FYB2: variants seen among roughly 807,000 people sequenced by gnomAD.
FYB2 encodes the protein FYN binding protein 2.
FYB2 carries 103 observed loss-of-function variants against 94.1 expected under a neutral mutation model. The ratio of observed to expected loss-of-function variants is 1.09; its 90% confidence interval spans 0.93 to 1.29. FYB2 has a LOEUF of 1.29. FYB2 is among the 50% of genes most tolerant of loss of function. FYB2 has a pLI of 0.00. For synonymous variants in FYB2, 293 were observed against 287.9 expected (o/e 1.02, Z -0.18); for missense variants, 896 against 841.5 (o/e 1.06, Z -0.80).
Position 56,738,613 on chromosome 1 carries a change from A to G in FYB2, c.1732+12T>C. ...GAGTACTTTTGGTCTGCAATAAGCA[A>G]ATGGCACTTACCTAAATCAGGCAGC... On this transcript the variant is annotated intron_variant, in intron 14 of 19. Transcript: ENST00000343433. The G allele has an allele frequency of 1.2e-6, 2 of 1,609,002 alleles. No homozygotes were observed. Among genetic ancestry groups the G allele is most frequent in the Non-Finnish European group, 1.7e-6 (2 of 1,177,122 alleles).
intron 10 of FYB2, 21 bp downstream of exon 10, chr1:56,744,131 A>G (rs192928572): frequency 1.5e-4 from 239 of 1,611,862 alleles, no homozygotes; most frequent in Non-Finnish European, 1.9e-4. Flanking sequence ...CATCTTGCTG[A>G]AAGACTGGAA....
chr1:56,818,681 C>A (rs2101128997), intron 1 of FYB2, among the ~76,000 whole-genome samples: 1 of 152,278 alleles, frequency 6.6e-6, no homozygotes, highest in South Asian at 2.1e-4. Context: ...TTCCATACAT[C>A]TCTATTTATA....
chr1:56,759,675 A>C (rs1645441664), intron 5 of FYB2, among the ~76,000 whole-genome samples: 1 of 152,182 alleles, frequency 6.6e-6, no homozygotes, highest in African/African-American at 2.4e-5. Context: ...CCACTCCTAC[A>C]TAGGGTGTTT....
At chr1:56,811,448 A>G (rs2101081380) in intron 1 of FYB2, among the ~76,000 whole-genome samples, 2 of 152,238 alleles carry the variant, frequency 1.3e-5, no homozygotes, top group Admixed American at 1.3e-4. Flanking sequence ...TAATCTTGAA[A>G]CAAACCAGCC....
At chr1:56,819,218 G>C (rs565370550) in intron 1 of FYB2, 64 bp downstream of exon 1, 2 of 1,612,002 alleles carry the variant, frequency 1.2e-6, no homozygotes, top group African/African-American at 2.7e-5. Flanking sequence ...CTCTCAAGTG[G>C]GAGGAACTTG....
At chr1:56,743,546 T>G (rs981595668) in intron 11 of FYB2, among the ~76,000 whole-genome samples, 1 of 151,926 alleles carries the variant, frequency 6.6e-6, no homozygotes, top group South Asian at 2.1e-4. Context: ...TATGAAAATA[T>G]CCTGCTGTTG....
At chr1:56,743,248 T>C (rs984146571) in intron 11 of FYB2, among the ~76,000 whole-genome samples, 1 of 152,082 alleles carries the variant, frequency 6.6e-6, no homozygotes, top group Non-Finnish European at 1.5e-5. Context: ...AACAGATTTT[T>C]TTGAATATCT....
intron 3 of FYB2, among the ~76,000 whole-genome samples, chr1:56,788,304 A>G (rs116568617): frequency 0.01 from 1,554 of 152,346 alleles, 24 homozygotes; most frequent in Non-Finnish European, 0.014. Flanking sequence ...AAATGTTAGC[A>G]CAGCAGTACA....
intron 1 of FYB2, among the ~76,000 whole-genome samples, chr1:56,805,366 G>A (rs184242179): frequency 5.0e-4 from 76 of 152,282 alleles, no homozygotes; most frequent in African/African-American, 1.8e-3. Context: ...GAAAAATTGG[G>A]AGTAATTCTT....
chr1:56,788,782 G>C (rs1461526153), intron 3 of FYB2, 191 bp downstream of exon 3: 3 of 716,718 alleles, frequency 4.2e-6, no homozygotes, highest in Non-Finnish European at 7.0e-6. Context: ...GCTGGTCTAG[G>C]AGCGATAAAG....
intron 12 of FYB2, among the ~76,000 whole-genome samples, chr1:56,741,794 C>T (rs1644959113): frequency 6.6e-6 from 1 of 151,842 alleles, no homozygotes; most frequent in Non-Finnish European, 1.5e-5. Context: ...TTAATTTGTT[C>T]CTGGAAAAAC....
At chr1:56,813,736 G>T (rs1217530425) in intron 1 of FYB2, among the ~76,000 whole-genome samples, 4 of 152,276 alleles carry the variant, frequency 2.6e-5, no homozygotes, top group Admixed American at 2.6e-4. Flanking sequence ...ACTGCACTTT[G>T]AGTTCATGGA....
In FYB2 at chr1:56,726,498, T is replaced by C. The variant is rs375737740; in HGVS notation, c.1879A>G (p.Ser627Gly). The change falls in exon 16 of 20, where the codon AGT becomes GGT. Residue 627 changes from serine (S) to glycine (G), a missense_variant and splice_region_variant. Physicochemically the swap from Ser to Gly is moderately conservative, Grantham distance 56 (BLOSUM62 0). Coordinates refer to ENST00000343433, the MANE Select transcript of FYB2 (RefSeq NM_001004303.5). ...KEKNGAEESE[S>G]FSPRNFFKTK... Reference sequence around the variant, plus strand: ...ATAGAAGTGCCTCTGTGTTCCCACCTTTCTGATTCTTCAGCACCGTTTTTC... The same window carrying C: ...ATAGAAGTGCCTCTGTGTTCCCACCCTTCTGATTCTTCAGCACCGTTTTTC... 55 of 1,611,164 alleles carry C rather than the reference T, an allele frequency of 3.4e-5. No individual in the cohort carries two copies. The highest frequency in any genetic ancestry group is 4.3e-5 in the Non-Finnish European group (51 of 1,178,556).
chr1:56,810,797 C>A (rs903830738), intron 1 of FYB2, among the ~76,000 whole-genome samples: 6 of 152,128 alleles, frequency 3.9e-5, no homozygotes. Flanking sequence ...GGTTAATTAA[C>A]AAGAGGAAAT....
rs2100688843 is a variant in FYB2, at chr1:56,751,218, A to G, written c.1228-15T>C. The G allele has an allele frequency of 1.2e-6, 2 of 1,611,374 alleles. No homozygotes were observed. Among genetic ancestry groups the G allele is most frequent in the Middle Eastern group, 1.7e-4 (1 of 6,038 alleles). ...CAGGCATCTACCTAAACATATGCAA[A>G]AGGGAGAATACTGTAGGGCTGTGAC... On this transcript the variant is annotated splice_polypyrimidine_tract_variant and intron_variant, in intron 8 of 19. Coordinates refer to ENST00000343433, the MANE Select transcript of FYB2 (RefSeq NM_001004303.5).
chr1:56,764,333 C>T (rs2100788890), intron 5 of FYB2, among the ~76,000 whole-genome samples: 1 of 152,228 alleles, frequency 6.6e-6, no homozygotes, highest in South Asian at 2.1e-4. Context: ...CACGCCTTCT[C>T]TTCTCTTTCC....
intron 4 of FYB2, among the ~76,000 whole-genome samples, chr1:56,781,266 T>C (rs566798225): frequency 6.6e-6 from 1 of 152,338 alleles, no homozygotes; most frequent in Admixed American, 6.5e-5. Context: ...GATTTTGTGC[T>C]AAGCACTTCA....
chr1:56,784,694 C>A (rs757487908), intron 4 of FYB2, among the ~76,000 whole-genome samples: 4 of 152,126 alleles, frequency 2.6e-5, no homozygotes, highest in Non-Finnish European at 4.4e-5. Context: ...TCCTTCCCAA[C>A]CTCCTTGCTT....
rs777639246 is a variant in FYB2 at position 56,753,973 on chromosome 1, T to C, written c.1131-38A>G. 11 of 1,328,488 alleles carry C rather than the reference T, an allele frequency of 8.3e-6. No homozygotes were observed. The South Asian group carries it at 1.2e-4, about 14-fold the overall frequency. The allele number at this position is 1,328,488 out of a possible 1,614,324, so 82.3% of individuals were successfully genotyped here. A position where few individuals can be genotyped will look rare whatever the true frequency, so the allele number is the denominator to read the frequency against. ...GAGATACCAGGAAAAAAATGAAGCT[T>C]AGAGTGTTTAAATGATAGTGTACTG... On this transcript the variant is annotated intron_variant, in intron 7 of 19. Coordinates refer to ENST00000343433, the MANE Select transcript of FYB2 (RefSeq NM_001004303.5).
Sources: allele counts gnomAD v4.1 joint callset (sites outside exome capture counted in the v4.1 genomes callset), GRCh38; gene constraint gnomAD v4.1.1; transcripts MANE v1.5; gene names NCBI Gene and HGNC (gene_info 2026-07-23, HGNC 2026-07-21).